Variants in ELAVL2 observed in about 807,000 individuals in gnomAD.
The protein encoded by ELAVL2 is ELAV-like protein 2.
Under a neutral mutation model 34.6 loss-of-function variants are expected in ELAVL2, and 4 were observed. That is an observed-to-expected ratio of 0.12 (90% CI 0.06 to 0.26). The LOEUF is 0.26. Ranked by LOEUF, ELAVL2 falls within the 10% of genes least tolerant of loss-of-function variation. The pLI is 1.00. For synonymous variants in ELAVL2, 193 were observed against 154.8 expected (o/e 1.25, Z -1.83); for missense variants, 432 against 442.8 (o/e 0.98, Z 0.22).
At position 23,738,229 on chromosome 9, in the gene ELAVL2, C is replaced by T. The variant is rs147478246; in HGVS notation, c.230-7104G>A. 1.2e-3 allele frequency among the ~76,000 whole-genome samples: 189 copies of T among 152,340 alleles called. 4 individuals carry two copies. In the East Asian group the frequency reaches 0.024, roughly 20 times the overall value. On this transcript the variant is annotated intron_variant, in intron 2 of 6. Coordinates refer to ENST00000397312, the MANE Select transcript of ELAVL2 (RefSeq NM_004432.5). The stretch of plus-strand genomic sequence containing the variant: ...ACAGCAAAACCATGTGGGTACCACA[C>T]AGCAGGGAAAAGGTTTGAGAGAATC...
At chr9:23,739,393 C>T (rs189034586) in intron 2 of ELAVL2, among the ~76,000 whole-genome samples, 3 of 152,278 alleles carry the variant, frequency 2.0e-5, no homozygotes, top group South Asian at 2.1e-4. Flanking sequence ...TTCAGATAGC[C>T]TGAAAGTCAT....
chr9:23,747,295 C>A (rs549967129), intron 2 of ELAVL2, among the ~76,000 whole-genome samples: 1 of 152,124 alleles, frequency 6.6e-6, no homozygotes, highest in Non-Finnish European at 1.5e-5. Flanking sequence ...TCACGATACT[C>A]TGAATGGTGA....
intron 1 of ELAVL2, among the ~76,000 whole-genome samples, chr9:23,792,880 C>A (rs2060488273): frequency 1.3e-5 from 2 of 152,152 alleles, no homozygotes; most frequent in South Asian, 2.1e-4. Flanking sequence ...ATGCTATCCT[C>A]CCCCGTCGGC....
rs1414290143 is a variant in ELAVL2, at chr9:23,704,982, C to T, written c.423G>A (p.Leu141=). Residue 141 remains leucine (L), a synonymous_variant, in exon 4 of 7, where the codon TTG becomes TTA. Transcript: ENST00000397312. ...GLPKTMTQKE[L]EQLFSQYGRI... is the part of the protein sequence containing the mutation. ...GTCCATATTGTGAAAAAAGCTGTTC[C>T]AACTCCTTCTGGGTCATTGTTTTTG... is the stretch of plus-strand genomic sequence containing the variant. 3.1e-6 allele frequency: 5 copies of T among 1,613,970 alleles called. No homozygotes were observed. The highest frequency in any genetic ancestry group is 4.2e-6 in the Non-Finnish European group (5 of 1,180,016).
intron 5 of ELAVL2, among the ~76,000 whole-genome samples, chr9:23,701,111 A>C (rs2037048932): frequency 1.3e-5 from 2 of 152,190 alleles, no homozygotes; most frequent in Admixed American, 6.5e-5. Context: ...AGACATTGCC[A>C]AATGTTCCCT....
In ELAVL2 at chr9:23,751,593, G is replaced by A. The variant is rs1239684164; in HGVS notation, c.229+10413C>T. On this transcript the variant is annotated intron_variant, in intron 2 of 6. Coordinates refer to ENST00000397312, the MANE Select transcript of ELAVL2 (RefSeq NM_004432.5). ...ACTTGAACATCATCTTTGATAAAAT[G>A]AGACTATTTAGTATAGTATTTACGT... is the stretch of plus-strand genomic sequence containing the variant. Among the ~76,000 whole-genome samples the A allele has an allele frequency of 2.6e-5, 4 of 152,120 alleles. No homozygotes were observed. The East Asian group carries it at 7.7e-4, about 29-fold the overall frequency.
upstream of ELAVL2, chr9:23,826,256 T>G (rs759663633): frequency 3.3e-5 from 5 of 152,354 alleles, no homozygotes; most frequent in African/African-American, 4.8e-5. Context: ...GGAGGTGGAC[T>G]GGACCACAGA....
intron 1 of ELAVL2, among the ~76,000 whole-genome samples, chr9:23,822,613 A>T (rs1292206779): frequency 6.6e-6 from 1 of 151,066 alleles, no homozygotes; most frequent in Admixed American, 6.6e-5. Context: ...GTCAAAACCC[A>T]CCCCGGAGCC....
At chr9:23,708,030 C>A (rs533989733) in intron 3 of ELAVL2, among the ~76,000 whole-genome samples, 1 of 149,854 alleles carries the variant, frequency 6.7e-6, no homozygotes, top group Non-Finnish European at 1.5e-5. Context: ...GAAAACATAC[C>A]TAGGTCAGTT....
At position 23,762,241 on chromosome 9, in the gene ELAVL2, A is replaced by G. The variant is rs1264268959; in HGVS notation, c.-7T>C. ...TAGACAGTTGTGTTTCCATGGCAGCAATTACCTGCTAAAAACAGAGAAAAC... is the reference window on the plus strand; with the variant it reads ...TAGACAGTTGTGTTTCCATGGCAGCGATTACCTGCTAAAAACAGAGAAAAC... On this transcript the variant is annotated 5_prime_UTR_variant, in exon 2 of 7. Coordinates refer to ENST00000397312, the MANE Select transcript of ELAVL2 (RefSeq NM_004432.5). The G allele has an allele frequency of 1.2e-6, 2 of 1,613,136 alleles. No homozygotes were observed. The highest frequency in any genetic ancestry group is 1.7e-6 in the Non-Finnish European group (2 of 1,179,480).
chr9:23,795,346 A>C (rs1042594758), intron 1 of ELAVL2, among the ~76,000 whole-genome samples: 18 of 152,010 alleles, frequency 1.2e-4, no homozygotes, highest in African/African-American at 4.3e-4. Flanking sequence ...GAGTTCGAGA[A>C]CAGCGTGGCC....
intron 2 of ELAVL2, chr9:23,735,451 G>C (rs2047652379): frequency 6.6e-6 from 1 of 151,908 alleles, no homozygotes; most frequent in Non-Finnish European, 1.5e-5. Flanking sequence ...CTATTTTTTT[G>C]TATTTTTAGT....
chr9:23,751,058 G>A (rs980087081), intron 2 of ELAVL2, among the ~76,000 whole-genome samples: 1 of 152,106 alleles, frequency 6.6e-6, no homozygotes, highest in African/African-American at 2.4e-5. Flanking sequence ...GGCCCCATCA[G>A]ATCTACTCTA....
intron 2 of ELAVL2, among the ~76,000 whole-genome samples, chr9:23,742,610 A>AC (rs1356833986): frequency 6.6e-6 from 1 of 152,196 alleles, no homozygotes; most frequent in African/African-American, 2.4e-5. Context: ...GATATGTACA[A>AC]CCCTTCCACC....
intron 3 of ELAVL2, among the ~76,000 whole-genome samples, chr9:23,730,750 A>G (rs959448127): frequency 6.6e-6 from 1 of 152,094 alleles, no homozygotes; most frequent in Non-Finnish European, 1.5e-5. Flanking sequence ...GTAATTCTCT[A>G]TAAGGGAAGG....
At chr9:23,818,761 C>T (rs1156539729) in intron 1 of ELAVL2, among the ~76,000 whole-genome samples, 1 of 152,058 alleles carries the variant, frequency 6.6e-6, no homozygotes, top group Non-Finnish European at 1.5e-5. Flanking sequence ...CAAATGGGAG[C>T]GAAAATACTG....
At chr9:23,758,936 T>C (rs528107421) in intron 2 of ELAVL2, among the ~76,000 whole-genome samples, 1 of 152,164 alleles carries the variant, frequency 6.6e-6, no homozygotes, top group South Asian at 2.1e-4. Context: ...TTGAAAAACA[T>C]CTTTCAATCT....
intron 2 of ELAVL2, among the ~76,000 whole-genome samples, chr9:23,755,485 C>G (rs1009814024): frequency 1.4e-4 from 21 of 151,946 alleles, no homozygotes; most frequent in African/African-American, 4.8e-4. Flanking sequence ...GGCAAAGAAA[C>G]AAGATATAAT....
the ELAVL2 span, among the ~76,000 whole-genome samples, chr9:23,831,865 A>C: frequency 1.3e-5 from 2 of 152,134 alleles, no homozygotes; most frequent in East Asian, 3.9e-4. Context: ...GGGGCTTAAA[A>C]ATTATTTGGG....
Sources: gnomAD v4.1 joint callset for allele counts (sites outside exome capture counted in the v4.1 genomes callset) on GRCh38, gnomAD v4.1.1 for gene constraint, MANE v1.5 for transcripts, NCBI Gene and HGNC (gene_info 2026-07-23, HGNC 2026-07-21) for gene names.